HLTF: variants seen among roughly 807,000 people sequenced by gnomAD.
HLTF encodes the protein DNA-dependent ATPase/E3 ubiquitin-protein ligase HLTF.
A neutral mutation model predicts 129.4 loss-of-function variants in HLTF; 127 were observed. The ratio of observed to expected loss-of-function variants is 0.98; its 90% CI spans 0.85 to 1.14. The LOEUF (loss-of-function observed/expected upper bound fraction) is 1.14, where lower values mean the gene tolerates loss of function less well. HLTF is among the 50% of genes most tolerant of loss of function. The pLI is 0.00. For synonymous variants in HLTF, 332 were observed against 388.8 expected, an observed-to-expected ratio of 0.85 and a Z score of 1.72; for missense variants, 1,139 against 1,187.1, an observed-to-expected ratio of 0.96 and a Z score of 0.60.
chr3:149,050,298 T>C lies in HLTF; in HGVS notation c.1551A>G (p.Glu517=), dbSNP rs1358987208. Residue 517 remains glutamate, a synonymous_variant, in exon 15 of 25, where the codon GAA becomes GAG. Transcript: ENST00000310053. ...YVYYGPDRIR[E]PALLSKQDIV... The stretch of plus-strand genomic sequence containing the variant: ...TATCCTGTTTTGAAAGTAAGGCCGG[T>C]TCTCTAATACGATCAGGACCATAAT... 11 of 1,600,444 alleles carry C rather than the reference T, an allele frequency of 6.9e-6. No individual in the cohort carries two copies. Among genetic ancestry groups the C allele is most frequent in the African/African-American group, 2.7e-5 (2 of 74,556 alleles).
intron 24 of HLTF, among the ~76,000 whole-genome samples, chr3:149,033,053 G>A (rs769223266): frequency 8.6e-4 from 130 of 151,070 alleles, no homozygotes; most frequent in Non-Finnish European, 5.7e-4. Context: ...AAAATAAAAC[G>A]TGATCATCTC....
Position 149,051,259 on chromosome 3 carries a change from A to T in HLTF, c.1474-884T>A, listed in dbSNP as rs148659725. ...TTAAAAAAAAAAAAAAAGAAGGGAA[A>T]AGTGGGCATCCAAGTAAGAAAGAGA... is the stretch of plus-strand genomic sequence containing the variant. On this transcript the variant is annotated intron_variant, in intron 14 of 24. Coordinates refer to ENST00000310053, the MANE Select transcript of HLTF (RefSeq NM_003071.4). 2.2e-3 allele frequency among the ~76,000 whole-genome samples: 339 copies of T among 152,166 alleles called. 1 individual carries two copies. Among genetic ancestry groups the T allele is most frequent in the African/African-American group, 7.9e-3 (329 of 41,548 alleles).
intron 22 of HLTF, 98 bp downstream of exon 22, chr3:149,039,483 A>T (rs1052447077): frequency 3.0e-6 from 2 of 665,358 alleles, no homozygotes; most frequent in Non-Finnish European, 4.9e-6. Context: ...AAAATGACTA[A>T]AACTGGCAAA....
chr3:149,063,618 T>A, intron 9 of HLTF, 94 bp from the exon 10 acceptor site: 1 of 692,060 alleles, frequency 1.4e-6, no homozygotes, highest in Non-Finnish European at 2.5e-6. Context: ...TAATTACTGA[T>A]TTTCAGTTTT....
intron 13 of HLTF, among the ~76,000 whole-genome samples, chr3:149,058,041 G>A (rs747695381): frequency 1.3e-5 from 2 of 152,068 alleles, no homozygotes; most frequent in Non-Finnish European, 2.9e-5. Flanking sequence ...GTCAATACTT[G>A]GCATTGTGAG....
intron 23 of HLTF, among the ~76,000 whole-genome samples, chr3:149,035,848 A>AC (rs1361750004): frequency 6.6e-6 from 1 of 152,104 alleles, no homozygotes; most frequent in African/African-American, 2.4e-5. Context: ...AAAAAATAAA[A>AC]TGATGGGTCC....
chr3:149,032,811 AAGTT>A (rs1190776629), intron 24 of HLTF, among the ~76,000 whole-genome samples: 2 of 151,928 alleles, frequency 1.3e-5, no homozygotes, highest in African/African-American at 2.4e-5. Flanking sequence ...AAAATAGAAA[AAGTT>A]AGCCGGGCAT....
intron 13 of HLTF, among the ~76,000 whole-genome samples, chr3:149,056,571 G>A (rs552237901): frequency 6.6e-6 from 1 of 152,112 alleles, no homozygotes; most frequent in Non-Finnish European, 1.5e-5. Flanking sequence ...TATCCACTGG[G>A]GGTATGTTCC....
At chr3:149,042,040 C>T (rs917191441) in intron 19 of HLTF, 126 bp downstream of exon 19, 4 of 802,078 alleles carry the variant, frequency 5.0e-6, no homozygotes, top group Admixed American at 4.7e-5. Flanking sequence ...CTGAGTCTCA[C>T]ACTAAAAGCA....
chr3:149,059,544 A>G, intron 13 of HLTF, 174 bp downstream of exon 13: 1 of 563,000 alleles, frequency 1.8e-6, no homozygotes, highest in Non-Finnish European at 3.1e-6. Flanking sequence ...AAAATGCACC[A>G]AAAGGAAAAC....
intron 18 of HLTF, among the ~76,000 whole-genome samples, chr3:149,042,577 A>G (rs929890178): frequency 5.9e-5 from 9 of 152,150 alleles, no homozygotes; most frequent in African/African-American, 2.2e-4. Context: ...TTTAAAATGG[A>G]TGGCATGCCC....
chr3:149,060,636 C>T lies in HLTF; in HGVS notation c.1285+7G>A. 5.0e-6 allele frequency: 8 copies of T among 1,600,846 alleles called. No individual in the cohort carries two copies. The highest frequency in any genetic ancestry group is 6.8e-6 in the Non-Finnish European group (8 of 1,168,638). ...GTCTAGATTATGGGTATATAGTATACACATACCTTTCGCCCTGCCTTTAGT... is the reference window on the plus strand; with the variant it reads ...GTCTAGATTATGGGTATATAGTATATACATACCTTTCGCCCTGCCTTTAGT... On this transcript the variant is annotated splice_region_variant and intron_variant, in intron 12 of 24. Transcript: ENST00000310053.
intron 7 of HLTF, among the ~76,000 whole-genome samples, chr3:149,069,485 A>G (rs1296147918): frequency 7.2e-5 from 11 of 151,908 alleles, no homozygotes; most frequent in Admixed American, 2.6e-4. Flanking sequence ...AAAAAAAAAA[A>G]AAGAAGAAGA....
In HLTF at chr3:149,046,204, T is replaced by A; in HGVS notation, c.1948A>T (p.Ile650Phe). The part of the protein sequence containing the change: ...ITLRRTKTSK[I>F]KGKPVLELPE... ...AACTCCAAAACAGGTTTTCCTTTAA[T>A]TTTGCTTGTCTTTGTTCTTCTAAGT... Residue 650 changes from isoleucine to phenylalanine, a missense_variant, in exon 18 of 25, where the codon ATT becomes TTT. Physicochemically the swap from Ile to Phe is conservative, Grantham distance 21. Transcript: ENST00000310053. 1 of 1,606,756 alleles carries A rather than the reference T, an allele frequency of 6.2e-7. No individual in the cohort carries two copies. Among genetic ancestry groups the A allele is most frequent in the Non-Finnish European group, 8.5e-7 (1 of 1,174,398 alleles).
intron 23 of HLTF, among the ~76,000 whole-genome samples, 181 bp from the exon 24 acceptor site, chr3:149,035,179 T>C (rs1247195686): frequency 6.6e-6 from 1 of 152,154 alleles, no homozygotes; most frequent in African/African-American, 2.4e-5. Context: ...ACTATGATGA[T>C]AGGCATCCTC....
At chr3:149,046,822 A>C (rs990729981) in intron 17 of HLTF, among the ~76,000 whole-genome samples, 2 of 152,198 alleles carry the variant, frequency 1.3e-5, no homozygotes, top group Non-Finnish European at 2.9e-5. Context: ...TTTCTTTCTC[A>C]GTACTGGAAA....
In HLTF at chr3:149,047,634, T is replaced by C. The variant is rs377392204; in HGVS notation, c.1892+394A>G. Among the ~76,000 whole-genome samples the C allele has an allele frequency of 4.3e-4, 65 of 152,136 alleles. No individual in the cohort carries two copies. The East Asian group carries it at 0.01, about 24-fold the overall frequency. On this transcript the variant is annotated intron_variant, in intron 17 of 24. Transcript: ENST00000310053. ...TCCAGCATGGACGACAGAGCAAGACTCCATCTCAAATAAATAAATACATAA... is the reference window on the plus strand; with the variant it reads ...TCCAGCATGGACGACAGAGCAAGACCCCATCTCAAATAAATAAATACATAA...
chr3:149,039,368 G>C, intron 22 of HLTF, 139 bp from the exon 23 acceptor site: 1 of 681,624 alleles, frequency 1.5e-6, no homozygotes, highest in Non-Finnish European at 2.3e-6. Flanking sequence ...TTATTAATAT[G>C]CTAGGCACTG....
rs1559866690 is a variant in HLTF, at chr3:149,055,313, C to T, written c.1463G>A (p.Ser488Asn). 6.2e-7 allele frequency: 1 copy of T among 1,611,322 alleles called. No individual in the cohort carries two copies. The highest frequency in any genetic ancestry group is 1.7e-5 in the Admixed American group (1 of 59,952). ...TLIICPLSVL[S>N]NWIDQFGQHI... ...GGCTTAAAGACTTACAATCCAGTTG[C>T]TTAACACAGAAAGCGGACAGATGAT... Residue 488 changes from serine (S) to asparagine (N), a missense_variant, in exon 14 of 25, where the codon AGC (serine) becomes AAC (asparagine). By Grantham distance (46) the Ser-to-Asn change is conservative. Transcript: ENST00000310053.
Sources: allele counts gnomAD v4.1 joint callset (sites outside exome capture counted in the v4.1 genomes callset), GRCh38; gene constraint gnomAD v4.1.1; transcripts MANE v1.5; gene names NCBI Gene and HGNC (gene_info 2026-07-23, HGNC 2026-07-21).